Variants in ADGRA3 observed in about 807,000 individuals in gnomAD.
The protein encoded by ADGRA3 is G-protein coupled receptor 125.
A neutral mutation model predicts 119.8 loss-of-function variants in ADGRA3; 56 were observed. That is an observed-to-expected ratio of 0.47 (90% CI 0.38 to 0.58). ADGRA3 has a LOEUF of 0.58. ADGRA3 is among the 20% of genes least tolerant of loss of function. The probability of loss-of-function intolerance (pLI) is 0.00; values close to 1 mark genes in which losing one functional copy is unlikely to be tolerated. For missense variants in ADGRA3, 1,516 were observed against 1,649.0 expected (o/e 0.92, Z 1.40); for synonymous variants, 607 against 623.8 (o/e 0.97, Z 0.40).
At chr4:22,399,310 C>T (rs1053939812) in intron 16 of ADGRA3, among the ~76,000 whole-genome samples, 4 of 152,114 alleles carry the variant, frequency 2.6e-5, no homozygotes, top group Non-Finnish European at 5.9e-5. Context: ...TGTAACTTAC[C>T]TTTTCAGCTT....
chr4:22,388,808 G>A lies in ADGRA3; in HGVS notation c.2863C>T (p.Pro955Ser), dbSNP rs756147612. The A allele has an allele frequency of 6.2e-6, 10 of 1,613,874 alleles. No individual in the cohort carries two copies. Among genetic ancestry groups the A allele is most frequent in the African/African-American group, 5.3e-5 (4 of 74,876 alleles). Residue 955 changes from proline to serine, a missense_variant, in exon 19 of 19, where the codon CCC (proline) becomes TCC (serine). Pro to Ser is a moderately conservative substitution (Grantham distance 74). This residue lies in a region of ADGRA3 where 1,088 missense variants were observed against 1,107.1 expected (regional missense o/e 0.98). Coordinates refer to ENST00000334304, the MANE Select transcript of ADGRA3 (RefSeq NM_145290.4). ...GCCAATCTCTGTTGCTCCTCCGTGG[G>A]CTCCTTAAGCTCATATTTGCGCTCA... ...HPERKYELKE[P>S]TEEQQRLAAN...
intron 1 of ADGRA3, among the ~76,000 whole-genome samples, chr4:22,494,270 G>A (rs1012949253): frequency 6.6e-6 from 1 of 151,572 alleles, no homozygotes; most frequent in African/African-American, 2.4e-5. Flanking sequence ...CCAGCGCCAT[G>A]ACAGTTTACA....
At chr4:22,390,319 C>A in intron 17 of ADGRA3, among the ~76,000 whole-genome samples, 1 of 18,826 alleles carries the variant, frequency 5.3e-5, no homozygotes, top group Non-Finnish European at 2.1e-4. Flanking sequence ...TTCTCTACTG[C>A]TTATATATAT....
chr4:22,508,029 G>A (rs28571781), intron 1 of ADGRA3, among the ~76,000 whole-genome samples: 5 of 152,134 alleles, frequency 3.3e-5, no homozygotes, highest in East Asian at 1.9e-4. Context: ...CCACGTAGTC[G>A]TATCTCTGTT....
At chr4:22,419,916 A>T (rs1337380091) in intron 12 of ADGRA3, 2 of 152,170 alleles carry the variant, frequency 1.3e-5, no homozygotes, top group African/African-American at 4.9e-5. Context: ...TCAAGTAAAT[A>T]TATTATTATC....
rs1475089761 is a variant in ADGRA3 at position 22,509,723 on chromosome 4, T to C, written c.257+5805A>G. On this transcript the variant is annotated intron_variant, in intron 1 of 18. Coordinates refer to ENST00000334304, the MANE Select transcript of ADGRA3 (RefSeq NM_145290.4). ...TCAGGTGTTCCTCATAGATAAGAAA[T>C]GACTTGGCCGGGCGCGGTGGCTCAC... is the stretch of plus-strand genomic sequence containing the variant. Among the ~76,000 whole-genome samples the C allele has an allele frequency of 3.3e-5, 5 of 150,760 alleles. No homozygotes were observed. The East Asian group carries it at 1.0e-3, about 30-fold the overall frequency.
chr4:22,419,244 G>C (rs1399211870), intron 12 of ADGRA3, among the ~76,000 whole-genome samples: 4 of 14,162 alleles, frequency 2.8e-4, no homozygotes, highest in Non-Finnish European at 4.9e-4. Flanking sequence ...GTATATTCAA[G>C]GGATTAAAAA....
intron 2 of ADGRA3, 38 bp downstream of exon 2, chr4:22,473,734 A>G (rs1340161215): frequency 1.7e-6 from 2 of 1,210,586 alleles, no homozygotes; most frequent in Non-Finnish European, 2.4e-6. Flanking sequence ...AATGCATTAA[A>G]CAAAATAATA....
chr4:22,399,893 G>A (rs1003155549), intron 16 of ADGRA3, among the ~76,000 whole-genome samples: 5 of 151,964 alleles, frequency 3.3e-5, no homozygotes, highest in African/African-American at 7.3e-5. Flanking sequence ...ATGGTCATCT[G>A]GCTAATATTA....
At chr4:22,470,420 G>C (rs1268446477) in intron 2 of ADGRA3, among the ~76,000 whole-genome samples, 1 of 151,738 alleles carries the variant, frequency 6.6e-6, no homozygotes, top group Non-Finnish European at 1.5e-5. Flanking sequence ...ACAAACAATG[G>C]GTCATGTTCA....
At position 22,447,446 on chromosome 4, in the gene ADGRA3, C is replaced by T. The variant is rs1177298597; in HGVS notation, c.539G>A (p.Arg180Gln). The change falls in exon 5 of 19, where the codon CGG becomes CAG. Residue 180 changes from arginine (R) to glutamine (Q), a missense_variant. Arg to Gln is a conservative substitution (Grantham distance 43). Transcript: ENST00000334304. ...GAAAAAAATTCTTACTTACAAAGAC[C>T]GTAATGACGCAAGATAATCAAAAGT... ...QGTFDYLASL[R>Q]SLEFQTEYLL... 8 of 1,538,890 alleles carry T rather than the reference C, an allele frequency of 5.2e-6. No homozygotes were observed. The highest frequency in any genetic ancestry group is 6.1e-6 in the Non-Finnish European group (7 of 1,141,392).
intron 1 of ADGRA3, among the ~76,000 whole-genome samples, chr4:22,477,911 G>C (rs755798132): frequency 1.3e-5 from 2 of 152,092 alleles, no homozygotes; most frequent in African/African-American, 2.4e-5. Context: ...GGGGACTGTG[G>C]AACTAGCAAA....
chr4:22,419,825 G>A (rs1715578846), intron 12 of ADGRA3, among the ~76,000 whole-genome samples: 1 of 152,112 alleles, frequency 6.6e-6, no homozygotes, highest in African/African-American at 2.4e-5. Context: ...GTCCAAAGGA[G>A]TGTGGCACAG....
intron 12 of ADGRA3, 145 bp downstream of exon 12, chr4:22,420,741 T>C: frequency 1.3e-6 from 1 of 783,386 alleles, no homozygotes; most frequent in Non-Finnish European, 2.1e-6. Context: ...CCTGGTTAGT[T>C]TTCTTTAAAA....
At position 22,470,993 on chromosome 4, in the gene ADGRA3, G is replaced by A. The variant is rs79999002; in HGVS notation, c.329+2779C>T. 8.0e-3 allele frequency among the ~76,000 whole-genome samples: 1,214 copies of A among 152,188 alleles called. 30 individuals are homozygous for A. Among genetic ancestry groups the A allele is most frequent in the East Asian group, 0.072 (370 of 5,148 alleles). On this transcript the variant is annotated intron_variant, in intron 2 of 18. Coordinates refer to ENST00000334304, the MANE Select transcript of ADGRA3 (RefSeq NM_145290.4). ...TGGTTGAGGGTTGCTGAAAGCAGGA[G>A]TGGGTGGATGGGGTGGCTTCCACCC...
At chr4:22,502,182 A>G (rs1370867520) in intron 1 of ADGRA3, among the ~76,000 whole-genome samples, 2 of 152,218 alleles carry the variant, frequency 1.3e-5, no homozygotes, top group African/African-American at 4.8e-5. Context: ...AACCCAAACC[A>G]CGTAAGGGTG....
At chr4:22,477,759 C>T (rs190166133) in intron 1 of ADGRA3, 54 of 152,232 alleles carry the variant, frequency 3.5e-4, no homozygotes, top group African/African-American at 1.2e-3. Flanking sequence ...ATAACTGTAA[C>T]CTTAAAAATA....
intron 3 of ADGRA3, among the ~76,000 whole-genome samples, chr4:22,455,584 A>T (rs1214606838): frequency 6.6e-6 from 1 of 152,152 alleles, no homozygotes. Flanking sequence ...TTTCCTATTA[A>T]ATATTACCTT....
At chr4:22,474,811 A>G (rs572426230) in intron 1 of ADGRA3, among the ~76,000 whole-genome samples, 1 of 152,242 alleles carries the variant, frequency 6.6e-6, no homozygotes, top group Non-Finnish European at 1.5e-5. Context: ...TGGGACAGAA[A>G]ATTCTCCATC....
Sources: allele counts gnomAD v4.1 joint callset (sites outside exome capture counted in the v4.1 genomes callset), GRCh38; gene constraint gnomAD v4.1.1; regional missense constraint gnomAD v4.1.1; transcripts MANE v1.5; gene names NCBI Gene and HGNC (gene_info 2026-07-23, HGNC 2026-07-21).